Variants in XYLT1 observed in about 807,000 individuals in gnomAD.
The protein encoded by XYLT1 is beta-D-xylosyltransferase 1.
XYLT1 carries 36 observed loss-of-function variants against 91.3 expected under a neutral mutation model. The observed-to-expected ratio is 0.39, with a 90% CI of 0.30 to 0.52. The LOEUF (loss-of-function observed/expected upper bound fraction) is 0.52. Among genes scored for constraint, XYLT1 ranks in the 20% least tolerant of loss-of-function variants. XYLT1 has a pLI of 0.68. For missense variants in XYLT1, 1,242 were observed against 1,284.5 expected, an observed-to-expected ratio of 0.97 and a Z score of 0.51; for synonymous variants, 588 against 532.0, an observed-to-expected ratio of 1.11 and a Z score of -1.45.
intron 2 of XYLT1, among the ~76,000 whole-genome samples, chr16:17,343,216 G>A (rs949767410): frequency 2.6e-5 from 4 of 152,144 alleles, no homozygotes; most frequent in East Asian, 1.9e-4. Flanking sequence ...GACTATTTTC[G>A]GGTGTCAGGC....
chr16:17,271,983 G>A (rs1040245070), intron 2 of XYLT1, among the ~76,000 whole-genome samples: 2 of 152,170 alleles, frequency 1.3e-5, no homozygotes, highest in Non-Finnish European at 2.9e-5. Context: ...GGGACAGAGG[G>A]AGGAGGCTGG....
intron 3 of XYLT1, among the ~76,000 whole-genome samples, chr16:17,238,307 A>G (rs1313247399): frequency 6.6e-6 from 1 of 152,236 alleles, no homozygotes; most frequent in Non-Finnish European, 1.5e-5. Flanking sequence ...TTCTGTAAAG[A>G]GTTAGACTGT....
At chr16:17,247,462 C>T (rs186904717) in intron 3 of XYLT1, among the ~76,000 whole-genome samples, 22 of 152,246 alleles carry the variant, frequency 1.4e-4, no homozygotes, top group African/African-American at 3.6e-4. Flanking sequence ...AGCTGCCAAT[C>T]GAGAGGTGGC....
intron 6 of XYLT1, among the ~76,000 whole-genome samples, chr16:17,158,315 A>G (rs571347767): frequency 6.6e-6 from 1 of 152,328 alleles, no homozygotes; most frequent in Middle Eastern, 3.4e-3. Context: ...GGCTGGGATC[A>G]GGACCCCTGG....
At chr16:17,469,027 G>A (rs977892921) in intron 1 of XYLT1, among the ~76,000 whole-genome samples, 1 of 152,276 alleles carries the variant, frequency 6.6e-6, no homozygotes, top group African/African-American at 2.4e-5. Flanking sequence ...GGCAGCTCAC[G>A]CCACTATTCT....
In XYLT1 at chr16:17,106,506, G is replaced by C. The variant is rs778094877; in HGVS notation, c.*2189C>G. 6.6e-6 allele frequency: 1 copy of C among 152,170 alleles called. No homozygotes were observed. The highest frequency in any genetic ancestry group is 1.5e-5 in the Non-Finnish European group (1 of 68,060). The allele number at this position is 152,170 out of a possible 1,614,324, so 9.4% of individuals were successfully genotyped here. ...CCGGACTCTGCTGCCTGGATCTGAC[G>C]ACCCTCCTCCTAAGATGGATCTCTC... On this transcript the variant is annotated 3_prime_UTR_variant, in exon 12 of 12. Transcript: ENST00000261381.
At chr16:17,135,985 C>CAAATAA (rs2030703898) in intron 8 of XYLT1, among the ~76,000 whole-genome samples, 2 of 152,164 alleles carry the variant, frequency 1.3e-5, no homozygotes, top group African/African-American at 4.8e-5. Flanking sequence ...GCTGCGGAGA[C>CAAATAA]AAATAAAACA....
chr16:17,244,908 A>C (rs9937174), intron 3 of XYLT1, among the ~76,000 whole-genome samples: 7,684 of 152,232 alleles, frequency 0.05, 620 homozygotes, highest in African/African-American at 0.17. Flanking sequence ...AACAACAACA[A>C]AAAAATCATC....
chr16:17,430,874 T>G (rs2036382029), intron 1 of XYLT1, among the ~76,000 whole-genome samples: 1 of 152,156 alleles, frequency 6.6e-6, no homozygotes, highest in African/African-American at 2.4e-5. Flanking sequence ...AGATAGTATC[T>G]AAAGTAAACT....
chr16:17,452,874 C>A (rs2036685148), intron 1 of XYLT1, among the ~76,000 whole-genome samples: 1 of 152,076 alleles, frequency 6.6e-6, no homozygotes, highest in African/African-American at 2.4e-5. Flanking sequence ...CACACACACA[C>A]ATACACACAC....
chr16:17,236,433 A>C (rs1460723504), intron 3 of XYLT1, among the ~76,000 whole-genome samples: 1 of 104,748 alleles, frequency 9.5e-6, no homozygotes, highest in Admixed American at 8.4e-5. Context: ...TGGAGAGTAC[A>C]AAAAAAAAAA....
chr16:17,115,911 T>C (rs755580237), intron 11 of XYLT1, among the ~76,000 whole-genome samples: 21 of 141,112 alleles, frequency 1.5e-4, no homozygotes, highest in Admixed American at 3.0e-4. Flanking sequence ...GGGGAACAGA[T>C]AGATTGTGGT....
intron 9 of XYLT1, among the ~76,000 whole-genome samples, chr16:17,128,795 G>C (rs2030354402): frequency 6.6e-6 from 1 of 152,206 alleles, no homozygotes; most frequent in Admixed American, 6.5e-5. Flanking sequence ...GAGTACCTCG[G>C]AGGAGACCAG....
intron 1 of XYLT1, among the ~76,000 whole-genome samples, chr16:17,358,942 T>C (rs757590429): frequency 1.3e-5 from 2 of 152,090 alleles, no homozygotes; most frequent in Non-Finnish European, 2.9e-5. Flanking sequence ...ATTCACTCTG[T>C]ACAAAAGCCG....
chr16:17,280,784 T>C (rs2034044947), intron 2 of XYLT1, among the ~76,000 whole-genome samples: 1 of 152,212 alleles, frequency 6.6e-6, no homozygotes. Context: ...AATATCTCCT[T>C]TGCGTTTGCT....
At position 17,134,460 on chromosome 16, in the gene XYLT1, A is replaced by T. The variant is rs1361535268; in HGVS notation, c.2027+13T>A. ...TTCTCAGCTCTCCTCTCTGCATCCCATATAGGGCTCACCGGCAGCTGTTCT... is the reference window on the plus strand; with the variant it reads ...TTCTCAGCTCTCCTCTCTGCATCCCTTATAGGGCTCACCGGCAGCTGTTCT... On this transcript the variant is annotated intron_variant, in intron 9 of 11. Coordinates refer to ENST00000261381, the MANE Select transcript of XYLT1 (RefSeq NM_022166.4). 1.2e-6 allele frequency: 2 copies of T among 1,613,718 alleles called. No individual in the cohort carries two copies. Among genetic ancestry groups the T allele is most frequent in the Non-Finnish European group, 1.7e-6 (2 of 1,179,922 alleles).
intron 5 of XYLT1, among the ~76,000 whole-genome samples, chr16:17,172,023 A>G (rs1185380735): frequency 1.3e-5 from 2 of 152,202 alleles, no homozygotes; most frequent in Non-Finnish European, 2.9e-5. Context: ...TGCCTTTATA[A>G]TAACAGGAAT....
At chr16:17,320,488 T>TC (rs1286609275) in intron 2 of XYLT1, among the ~76,000 whole-genome samples, 1 of 150,480 alleles carries the variant, frequency 6.6e-6, no homozygotes, top group Non-Finnish European at 1.5e-5. Flanking sequence ...GTTTCTTTTT[T>TC]TTTTTTTTTT....
chr16:17,222,296 A>G (rs1311413659), intron 3 of XYLT1, among the ~76,000 whole-genome samples: 7 of 152,192 alleles, frequency 4.6e-5, no homozygotes, highest in Non-Finnish European at 7.3e-5. Context: ...ATGTCTGGAG[A>G]CATTTTTATT....
Sources: gnomAD v4.1 joint callset for allele counts (sites outside exome capture counted in the v4.1 genomes callset) on GRCh38, gnomAD v4.1.1 for gene constraint, MANE v1.5 for transcripts, NCBI Gene and HGNC (gene_info 2026-07-23, HGNC 2026-07-21) for gene names.